LGR5: variants seen among roughly 807,000 people sequenced by gnomAD.
The protein encoded by LGR5 is leucine rich repeat containing G protein-coupled receptor 5.
In LGR5, 54 loss-of-function variants were observed where a neutral mutation model predicts 76.7. The ratio of observed to expected loss-of-function variants is 0.70; its 90% confidence interval spans 0.57 to 0.88. The LOEUF (loss-of-function observed/expected upper bound fraction) is 0.88. Among genes scored for constraint, LGR5 ranks in the 40% least tolerant of loss-of-function variants. The pLI is 0.00. For synonymous variants in LGR5, 406 were observed against 421.9 expected, an observed-to-expected ratio of 0.96 and a Z score of 0.46; for missense variants, 1,078 against 1,073.3, an observed-to-expected ratio of 1.00 and a Z score of -0.06.
At chr12:71,562,274 G>A (rs560371733) in intron 8 of LGR5, among the ~76,000 whole-genome samples, 1 of 152,282 alleles carries the variant, frequency 6.6e-6, no homozygotes, top group African/African-American at 2.4e-5. Context: ...ATTGATGGTA[G>A]GGGTTTTATA....
intron 3 of LGR5, 63 bp downstream of exon 3, chr12:71,524,540 C>A: frequency 1.8e-6 from 2 of 1,140,434 alleles, no homozygotes; most frequent in Non-Finnish European, 2.7e-6. Flanking sequence ...TGCTAATTAA[C>A]TTGTAAAAGC....
rs565495242 is a variant in LGR5 at position 71,525,754 on chromosome 12, T to C, written c.356+1277T>C. 1.1e-3 allele frequency among the ~76,000 whole-genome samples: 163 copies of C among 151,768 alleles called. 2 individuals are homozygous for C. The highest frequency in any genetic ancestry group is 3.6e-3 in the African/African-American group (150 of 41,492). On this transcript the variant is annotated intron_variant, in intron 3 of 17. Transcript: ENST00000266674. ...TATCTCCAGACATCAAATTATACTT[T>C]AATTATAAATGAGTAAAATGAATAC...
intron 4 of LGR5, among the ~76,000 whole-genome samples, chr12:71,544,304 T>C (rs1279035141): frequency 2.6e-4 from 27 of 102,810 alleles, no homozygotes; most frequent in Non-Finnish European, 4.0e-4. Context: ...TCTTTTTTTT[T>C]TTCTTCTTCT....
rs757701299 is a variant in LGR5 at position 71,556,642 on chromosome 12, A to G, written c.668A>G (p.His223Arg). 60 of 1,611,796 alleles carry G rather than the reference A, an allele frequency of 3.7e-5. No individual in the cohort carries two copies. The highest frequency in any genetic ancestry group is 4.8e-5 in the Non-Finnish European group (57 of 1,178,258). The change falls in exon 6 of 18, where the codon CAC (histidine) becomes CGC (arginine). Residue 223 changes from histidine to arginine, a missense_variant. Physicochemically the swap from His to Arg is conservative, Grantham distance 29 (BLOSUM62 0). Coordinates refer to ENST00000266674, the MANE Select transcript of LGR5 (RefSeq NM_003667.4). Reference sequence around the variant, plus strand: ...AGACATCTCCATAACAATAGAATCCACTCCCTGGGAAAGAAATGCTTTGAT... The same window carrying G: ...AGACATCTCCATAACAATAGAATCCGCTCCCTGGGAAAGAAATGCTTTGAT... Reference protein sequence around the residue: ...VVLHLHNNRIHSLGKKCFDGL... With the variant: ...VVLHLHNNRIRSLGKKCFDGL...
At position 71,585,863 on chromosome 12, in the gene LGR5, A is replaced by G. The variant is rs1363104154; in HGVS notation, c.*1129A>G. On this transcript the variant is annotated 3_prime_UTR_variant, in exon 18 of 18. Coordinates refer to ENST00000266674, the MANE Select transcript of LGR5 (RefSeq NM_003667.4). The stretch of plus-strand genomic sequence containing the variant: ...ACTTCTCTGCTTATTCCATATTAAT[A>G]CTGTGTTAGGTATTTTAAGAAGCAA... 1.3e-5 allele frequency: 2 copies of G among 152,178 alleles called. No homozygotes were observed. The highest frequency in any genetic ancestry group is 2.9e-5 in the Non-Finnish European group (2 of 68,016). 9.4% of individuals were successfully genotyped at this position (152,178 alleles called of 1,614,324 possible). A position where few individuals can be genotyped will look rare whatever the true frequency, so the allele number is the denominator to read the frequency against.
At chr12:71,552,072 G>T (rs1406227789) in intron 4 of LGR5, among the ~76,000 whole-genome samples, 1 of 151,778 alleles carries the variant, frequency 6.6e-6, no homozygotes, top group African/African-American at 2.4e-5. Context: ...CATCATACAT[G>T]GGGGCCTGTC....
intron 1 of LGR5, among the ~76,000 whole-genome samples, chr12:71,450,208 A>G (rs1231143706): frequency 6.6e-6 from 1 of 152,226 alleles, no homozygotes; most frequent in Non-Finnish European, 1.5e-5. Context: ...TTCAATGTCA[A>G]ATACTCGAAT....
intron 1 of LGR5, among the ~76,000 whole-genome samples, chr12:71,446,579 A>G (rs1348850560): frequency 6.6e-6 from 1 of 152,174 alleles, no homozygotes; most frequent in Non-Finnish European, 1.5e-5. Flanking sequence ...TGCTCAAAAT[A>G]TTTTTGGATT....
In LGR5 at chr12:71,557,218, G is replaced by A. The variant is rs141760885; in HGVS notation, c.716+528G>A. 4.5e-3 allele frequency among the ~76,000 whole-genome samples: 689 copies of A among 152,286 alleles called. 8 individuals carry two copies. Among genetic ancestry groups the A allele is most frequent in the African/African-American group, 0.016 (655 of 41,570 alleles). The stretch of plus-strand genomic sequence containing the variant: ...GAGGATCGCTTGAGCCCAGGAATTT[G>A]AGGCTGCAGTGAGCTGTGACCATGC... On this transcript the variant is annotated intron_variant, in intron 6 of 17. Coordinates refer to ENST00000266674, the MANE Select transcript of LGR5 (RefSeq NM_003667.4).
chr12:71,473,174 C>G (rs1873172766), intron 1 of LGR5, among the ~76,000 whole-genome samples: 1 of 152,110 alleles, frequency 6.6e-6, no homozygotes, highest in South Asian at 2.1e-4. Flanking sequence ...CCATGTCTTA[C>G]AGGATCTTAC....
chr12:71,580,161 G>A, intron 15 of LGR5, 117 bp from the exon 16 acceptor site: 1 of 896,522 alleles, frequency 1.1e-6, no homozygotes, highest in Non-Finnish European at 1.7e-6. Context: ...CTTATACTTT[G>A]GATTATTTAT....
intron 4 of LGR5, among the ~76,000 whole-genome samples, chr12:71,535,758 C>A (rs114151067): frequency 1.3e-3 from 204 of 152,268 alleles, no homozygotes; most frequent in African/African-American, 4.8e-3. Flanking sequence ...CCCACAGATA[C>A]AAACATACCT....
chr12:71,578,088 A>G, intron 14 of LGR5, 92 bp downstream of exon 14: 1 of 919,182 alleles, frequency 1.1e-6, no homozygotes, highest in Non-Finnish European at 1.8e-6. Flanking sequence ...AAGAAGCTGG[A>G]TATGCACAGA....
At chr12:71,514,567 C>A (rs375154915) in intron 2 of LGR5, among the ~76,000 whole-genome samples, 34 of 136,290 alleles carry the variant, frequency 2.5e-4, no homozygotes, top group East Asian at 4.3e-4. Flanking sequence ...GACTCCCTCT[C>A]AAAAAAAAAA....
chr12:71,490,426 G>T (rs2137277815), intron 1 of LGR5, among the ~76,000 whole-genome samples: 1 of 152,262 alleles, frequency 6.6e-6, no homozygotes, highest in East Asian at 1.9e-4. Context: ...CACATTTATG[G>T]TTTTCTCCAT....
intron 16 of LGR5, among the ~76,000 whole-genome samples, chr12:71,581,735 G>A (rs1259034647): frequency 2.6e-5 from 4 of 152,196 alleles, no homozygotes; most frequent in Non-Finnish European, 5.9e-5. Context: ...CCTACTTTGT[G>A]CCAGGCACTG....
intron 5 of LGR5, among the ~76,000 whole-genome samples, chr12:71,555,679 A>G (rs1051826991): frequency 6.6e-6 from 1 of 152,164 alleles, no homozygotes. Flanking sequence ...TTAACATCCT[A>G]TATCCCAAAG....
intron 2 of LGR5, among the ~76,000 whole-genome samples, chr12:71,522,765 G>C (rs1216428716): frequency 6.6e-6 from 1 of 152,112 alleles, no homozygotes. Flanking sequence ...AGGAAAAACA[G>C]GCACAAACAC....
At chr12:71,543,423 G>T (rs992949275) in intron 4 of LGR5, among the ~76,000 whole-genome samples, 7 of 152,140 alleles carry the variant, frequency 4.6e-5, no homozygotes, top group Admixed American at 4.6e-4. Flanking sequence ...AGTCTTGGAA[G>T]GTTAATGAGA....
Sources: allele counts gnomAD v4.1 joint callset (sites outside exome capture counted in the v4.1 genomes callset), GRCh38; gene constraint gnomAD v4.1.1; transcripts MANE v1.5; gene names NCBI Gene and HGNC (gene_info 2026-07-23, HGNC 2026-07-21).